The following DCC variants were observed in gnomAD, a reference collection of about 807,000 sequenced individuals.
DCC encodes netrin receptor DCC.
Under a neutral mutation model 172.5 loss-of-function variants are expected in DCC, and 58 were observed. The ratio of observed to expected loss-of-function variants is 0.34; its 90% CI spans 0.27 to 0.42. The LOEUF is 0.42. Ranked by LOEUF, DCC falls within the 10% of genes least tolerant of loss-of-function variation. DCC has a pLI of 1.00. For synonymous variants in DCC, 709 were observed against 644.5 expected (o/e 1.10, Z -1.52); for missense variants, 1,740 against 1,791.0 (o/e 0.97, Z 0.51).
chr18:52,917,461 A>G (rs2040059467), intron 3 of DCC, among the ~76,000 whole-genome samples: 1 of 152,214 alleles, frequency 6.6e-6, no homozygotes. Flanking sequence ...CAAAAGCACA[A>G]AAGTTCCTGA....
At chr18:53,082,617 A>G (rs1343894323) in intron 7 of DCC, among the ~76,000 whole-genome samples, 2 of 152,140 alleles carry the variant, frequency 1.3e-5, no homozygotes, top group African/African-American at 2.4e-5. Context: ...TAGCAATGAC[A>G]TTATACATTG....
At position 52,359,559 on chromosome 18, in the gene DCC, C is replaced by G. The variant is rs144225670; in HGVS notation, c.91+18681C>G. On this transcript the variant is annotated intron_variant, in intron 1 of 28. Transcript: ENST00000442544. The stretch of plus-strand genomic sequence containing the variant: ...CCACCCCCTTCCTCCTTGTTGCTTC[C>G]TTCTTTCTCTGGAAAGTAGGAGTGA... Among the ~76,000 whole-genome samples, 23 of 152,224 alleles carry G rather than the reference C, an allele frequency of 1.5e-4. No homozygotes were observed. The East Asian group carries it at 4.1e-3, about 27-fold the overall frequency.
At chr18:52,457,201 G>T (rs1988484776) in intron 1 of DCC, among the ~76,000 whole-genome samples, 1 of 152,154 alleles carries the variant, frequency 6.6e-6, no homozygotes, top group Non-Finnish European at 1.5e-5. Context: ...AAAGGCAGAA[G>T]TGGGATAAGT....
At chr18:52,555,865 CT>C (rs1249494003) in intron 1 of DCC, among the ~76,000 whole-genome samples, 2 of 152,070 alleles carry the variant, frequency 1.3e-5, no homozygotes, top group African/African-American at 2.4e-5. Flanking sequence ...ATTTATTCCT[CT>C]TCAAATTGAT....
chr18:53,350,864 G>C (rs867987052), intron 15 of DCC, among the ~76,000 whole-genome samples: 4 of 152,018 alleles, frequency 2.6e-5, no homozygotes, highest in African/African-American at 9.6e-5. Context: ...GAAATTCCTA[G>C]TTTTAACTAT....
intron 15 of DCC, among the ~76,000 whole-genome samples, chr18:53,358,525 T>C (rs950030527): frequency 4.1e-5 from 5 of 122,946 alleles, no homozygotes; most frequent in African/African-American, 1.6e-4. Flanking sequence ...ACATATTCTC[T>C]CTCTCTTTTT....
intron 24 of DCC, among the ~76,000 whole-genome samples, chr18:53,462,640 G>A (rs2045573356): frequency 6.6e-6 from 1 of 152,032 alleles, no homozygotes; most frequent in Admixed American, 6.6e-5. Flanking sequence ...ACCGTACCCT[G>A]CCCCCTGCCC....
At chr18:53,283,920 A>G (rs1220523829) in intron 12 of DCC, among the ~76,000 whole-genome samples, 2 of 152,240 alleles carry the variant, frequency 1.3e-5, no homozygotes, top group African/African-American at 4.8e-5. Flanking sequence ...AAAAACAAAC[A>G]GATCAATGGA....
chr18:52,519,929 T>C (rs2031760014), intron 1 of DCC, among the ~76,000 whole-genome samples: 1 of 152,208 alleles, frequency 6.6e-6, no homozygotes, highest in Non-Finnish European at 1.5e-5. Context: ...AAACTGCCTG[T>C]CATATTCTCT....
At chr18:52,981,370 C>G (rs761153340) in intron 5 of DCC, among the ~76,000 whole-genome samples, 3 of 151,996 alleles carry the variant, frequency 2.0e-5, no homozygotes, top group Non-Finnish European at 2.9e-5. Flanking sequence ...TCTCTCTGAG[C>G]CTTATATTTA....
At chr18:52,796,949 A>C (rs998048664) in intron 2 of DCC, among the ~76,000 whole-genome samples, 4 of 151,136 alleles carry the variant, frequency 2.6e-5, no homozygotes, top group African/African-American at 9.7e-5. Context: ...TCCAGAATTC[A>C]TTTAAAATTT....
chr18:53,226,461 A>C (rs567970975), intron 12 of DCC, among the ~76,000 whole-genome samples: 16 of 152,276 alleles, frequency 1.1e-4, no homozygotes, highest in African/African-American at 3.6e-4. Context: ...ATTTCTCCCC[A>C]TGGGACTTAA....
At chr18:52,416,677 CA>C (rs1261172865) in intron 1 of DCC, among the ~76,000 whole-genome samples, 6 of 146,110 alleles carry the variant, frequency 4.1e-5, no homozygotes, top group Non-Finnish European at 7.6e-5. Context: ...TCTGTTTTAT[CA>C]GAGACTAGGA....
At chr18:52,376,919 C>T (rs1020616479) in intron 1 of DCC, among the ~76,000 whole-genome samples, 1 of 152,246 alleles carries the variant, frequency 6.6e-6, no homozygotes, top group East Asian at 1.9e-4. Context: ...AATGCAAAGC[C>T]ATCAAAACCG....
chr18:52,989,419 A>G (rs566736377), intron 5 of DCC, among the ~76,000 whole-genome samples: 365 of 152,170 alleles, frequency 2.4e-3, no homozygotes, highest in African/African-American at 8.6e-3. Flanking sequence ...GCTACTCAGG[A>G]GATGGAGGCA....
intron 1 of DCC, among the ~76,000 whole-genome samples, chr18:52,483,704 T>C (rs1392244043): frequency 6.6e-6 from 1 of 152,126 alleles, no homozygotes; most frequent in African/African-American, 2.4e-5. Flanking sequence ...TAAGTACTTT[T>C]AATCTAACTG....
chr18:52,780,968 C>T (rs1200072564), intron 2 of DCC, among the ~76,000 whole-genome samples: 1 of 152,046 alleles, frequency 6.6e-6, no homozygotes, highest in East Asian at 1.9e-4. Context: ...TTATGTATGA[C>T]ATTTCTACAC....
intron 7 of DCC, among the ~76,000 whole-genome samples, chr18:53,124,856 G>A (rs2144299132): frequency 6.6e-6 from 1 of 152,058 alleles, no homozygotes. Context: ...TGTAGTCCCA[G>A]CTACTTTGGA....
chr18:53,357,756 A>T (rs2057893244), intron 15 of DCC, among the ~76,000 whole-genome samples: 1 of 152,194 alleles, frequency 6.6e-6, no homozygotes, highest in Non-Finnish European at 1.5e-5. Context: ...TTTTTCCCAA[A>T]GTATCTTACT....
Sources: allele counts gnomAD v4.1 joint callset (sites outside exome capture counted in the v4.1 genomes callset), GRCh38; gene constraint gnomAD v4.1.1; transcripts MANE v1.5; gene names NCBI Gene and HGNC (gene_info 2026-07-23, HGNC 2026-07-21).